RDX: variants seen among roughly 807,000 people sequenced by gnomAD.
The protein encoded by RDX is deafness, autosomal recessive 24.
Under a neutral mutation model 83.7 loss-of-function variants are expected in RDX, and 32 were observed. The ratio of observed to expected loss-of-function variants is 0.38; its 90% CI spans 0.29 to 0.51. The LOEUF is 0.51. RDX is among the 20% of genes least tolerant of loss of function. RDX has a pLI of 0.87. For synonymous variants in RDX, 229 were observed against 222.7 expected (o/e 1.03, Z -0.25); for missense variants, 600 against 689.9 (o/e 0.87, Z 1.46).
chr11:110,277,567 G>A lies in RDX; in HGVS notation c.12+2114C>T, dbSNP rs188696879. 5.8e-4 allele frequency among the ~76,000 whole-genome samples: 88 copies of A among 151,856 alleles called. 2 individuals carry two copies. The East Asian group carries it at 0.015, about 25-fold the overall frequency. On this transcript the variant is annotated intron_variant, in intron 2 of 13. Coordinates refer to ENST00000645495, the MANE Select transcript of RDX (RefSeq NM_002906.4). Reference sequence around the variant, plus strand: ...ACTCCTGACTTCAAGTGATACTCCCGCCTCAGTCTCCCAAAGTACTGGGAT... The same window carrying A: ...ACTCCTGACTTCAAGTGATACTCCCACCTCAGTCTCCCAAAGTACTGGGAT...
At chr11:110,217,431 C>T (rs903996518) in intron 14 of RDX, among the ~76,000 whole-genome samples, 3 of 152,172 alleles carry the variant, frequency 2.0e-5, no homozygotes. Flanking sequence ...GCCTGTCAAG[C>T]GCTAACATAT....
intron 14 of RDX, among the ~76,000 whole-genome samples, chr11:110,217,762 CT>C (rs1462145504): frequency 6.6e-6 from 1 of 152,156 alleles, no homozygotes; most frequent in Non-Finnish European, 1.5e-5. Flanking sequence ...GGAGATGGTA[CT>C]TGTTCCTGAG....
At chr11:110,178,631 G>A (rs1210898135) in intron 15 of RDX, among the ~76,000 whole-genome samples, 3 of 152,142 alleles carry the variant, frequency 2.0e-5, no homozygotes, top group Admixed American at 2.0e-4. Context: ...ATTTTGGGGG[G>A]CAGAAAATAT....
intron 15 of RDX, among the ~76,000 whole-genome samples, chr11:110,185,839 T>G (rs1183100744): frequency 6.6e-6 from 1 of 152,166 alleles, no homozygotes; most frequent in Non-Finnish European, 1.5e-5. Flanking sequence ...TTATGCTTCC[T>G]GCAGACAGCT....
rs1864646265 is a variant in RDX at position 110,231,780 on chromosome 11, G to A, written c.*89C>T. 1.4e-6 allele frequency: 2 copies of A among 1,428,422 alleles called. No individual in the cohort carries two copies. Among genetic ancestry groups the A allele is most frequent in the Non-Finnish European group, 2.0e-6 (2 of 1,019,682 alleles). The allele number at this position is 1,428,422 out of a possible 1,614,324, so 88.5% of individuals were successfully genotyped here. Reference sequence around the variant, plus strand: ...AAACTGGTGTAAGTGCTTTGGCAAGGTGGGATGCATTCCATCATATCTGCA... The same window carrying A: ...AAACTGGTGTAAGTGCTTTGGCAAGATGGGATGCATTCCATCATATCTGCA... On this transcript the variant is annotated 3_prime_UTR_variant, in exon 14 of 14. Transcript: ENST00000645495.
chr11:110,248,830 T>C (rs1171875242), intron 9 of RDX, among the ~76,000 whole-genome samples: 8 of 152,188 alleles, frequency 5.3e-5, no homozygotes, highest in Non-Finnish European at 1.0e-4. Context: ...AAAAATGAAT[T>C]AATCCAAGTT....
At chr11:110,296,251 G>A (rs1861454442) in intron 1 of RDX, among the ~76,000 whole-genome samples, 1 of 152,032 alleles carries the variant, frequency 6.6e-6, no homozygotes, top group South Asian at 2.1e-4. Flanking sequence ...ACTCGGGCAG[G>A]GCCTCGCGGC....
chr11:110,225,243 T>C (rs1295081381), downstream of RDX, among the ~76,000 whole-genome samples: 2 of 152,156 alleles, frequency 1.3e-5, no homozygotes, highest in African/African-American at 4.8e-5. Flanking sequence ...AAAATTGGAC[T>C]TCATCAAAAT....
In RDX at chr11:110,205,467, CAA is replaced by C. The variant is rs1422434665; in HGVS notation, c.1749-5791_1749-5790del. 7.1e-5 allele frequency among the ~76,000 whole-genome samples: 10 copies of C among 140,260 alleles called. No individual in the cohort carries two copies. In the South Asian group the frequency reaches 1.1e-3, roughly 16 times the overall value. 92.0% of individuals were successfully genotyped at this position (140,260 alleles called of 152,430 possible). A position where few individuals can be genotyped will look rare whatever the true frequency, so the allele number is the denominator to read the frequency against. On this transcript the variant is annotated intron_variant, in intron 14 of 15. Transcript: ENST00000528498. ...AAAAAAAAAAACCACCATAAAAAGCCAAAGAGACAAGGTAAGCCATGGAAGGA... is the reference window on the plus strand; with the variant it reads ...AAAAAAAAAAACCACCATAAAAAGCCAGAGACAAGGTAAGCCATGGAAGGA...
chr11:110,177,187 CG>C (rs1262296541), intron 15 of RDX, among the ~76,000 whole-genome samples: 2 of 152,204 alleles, frequency 1.3e-5, no homozygotes, highest in African/African-American at 2.4e-5. Flanking sequence ...CACCTCCACC[CG>C]GGGACAGGAA....
chr11:110,273,510 C>T (rs556836586), intron 2 of RDX, among the ~76,000 whole-genome samples: 3 of 152,080 alleles, frequency 2.0e-5, no homozygotes, highest in Admixed American at 6.5e-5. Flanking sequence ...ATCTCCTGGA[C>T]GCAAACCTAT....
At chr11:110,289,328 T>G (rs1861118291) in intron 1 of RDX, among the ~76,000 whole-genome samples, 2 of 152,088 alleles carry the variant, frequency 1.3e-5, no homozygotes, top group South Asian at 4.1e-4. Flanking sequence ...TTTAATAATT[T>G]CAATTAAGTT....
downstream of RDX, among the ~76,000 whole-genome samples, chr11:110,228,148 T>C (rs1422501231): frequency 1.3e-5 from 2 of 152,064 alleles, no homozygotes; most frequent in Admixed American, 6.6e-5. Context: ...GTTAAAATTA[T>C]TTAACTGGAA....
chr11:110,262,476 T>C (rs576465710), intron 5 of RDX, among the ~76,000 whole-genome samples: 48 of 151,916 alleles, frequency 3.2e-4, no homozygotes, highest in African/African-American at 9.9e-4. Flanking sequence ...TCCCAGCTGC[T>C]CAGGAGGAGA....
chr11:110,202,727 A>G (rs1247312180), intron 14 of RDX, among the ~76,000 whole-genome samples: 4 of 151,220 alleles, frequency 2.6e-5, no homozygotes, highest in Non-Finnish European at 5.9e-5. Flanking sequence ...CTCAGCCAAC[A>G]GTTTTTTTTT....
chr11:110,266,168 CAA>C (rs1178264888), intron 3 of RDX, among the ~76,000 whole-genome samples: 8 of 124,366 alleles, frequency 6.4e-5, no homozygotes, highest in Non-Finnish European at 8.8e-5. Flanking sequence ...ACTAAAAATA[CAA>C]AAAAAAAAAA....
At chr11:110,280,268 G>C (rs918198337) in intron 1 of RDX, among the ~76,000 whole-genome samples, 7 of 151,446 alleles carry the variant, frequency 4.6e-5, no homozygotes, top group African/African-American at 1.2e-4. Context: ...TTTTAAAGAT[G>C]GGTCTCATTC....
At chr11:110,237,437 G>A (rs1591137077) in intron 11 of RDX, 55 bp downstream of exon 11, 14 of 1,545,272 alleles carry the variant, frequency 9.1e-6, no homozygotes, top group Non-Finnish European at 1.2e-5. Flanking sequence ...CTTTTTTAGA[G>A]GGTTCACTCT....
chr11:110,239,891 A>G (rs1865013596), intron 10 of RDX, among the ~76,000 whole-genome samples: 1 of 152,084 alleles, frequency 6.6e-6, no homozygotes, highest in South Asian at 2.1e-4. Context: ...GGATGTAGAG[A>G]AAAGGAACAC....
Sources: allele counts gnomAD v4.1 joint callset (sites outside exome capture counted in the v4.1 genomes callset), GRCh38; gene constraint gnomAD v4.1.1; transcripts MANE v1.5; gene names NCBI Gene and HGNC (gene_info 2026-07-23, HGNC 2026-07-21).